The following ZNF813 variants were observed in gnomAD, a reference collection of about 807,000 sequenced individuals.
The protein encoded by ZNF813 is zinc finger protein 813.
A neutral mutation model predicts 7.2 loss-of-function variants in ZNF813; 3 were observed. The ratio of observed to expected loss-of-function variants is 0.42; its 90% confidence interval spans 0.19 to 1.08. The LOEUF (loss-of-function observed/expected upper bound fraction) is 1.08. Ranked by LOEUF, ZNF813 falls within the 50% of genes least tolerant of loss-of-function variation. ZNF813 has a pLI of 0.30. For synonymous variants in ZNF813, 227 were observed against 256.3 expected (o/e 0.89, Z 1.09); for missense variants, 714 against 753.3 (o/e 0.95, Z 0.61).
At chr19:53,482,897 GTATTTT>G (rs1342429223) in intron 1 of ZNF813, among the ~76,000 whole-genome samples, 3 of 149,478 alleles carry the variant, frequency 2.0e-5, no homozygotes, top group African/African-American at 5.0e-5. Flanking sequence ...GCTAATTATT[GTATTTT>G]TATTTTTATT....
At chr19:53,486,559 C>T (rs1290725396) in intron 2 of ZNF813, 73 bp from the exon 3 acceptor site, 19 of 1,611,782 alleles carry the variant, frequency 1.2e-5, no homozygotes, top group Non-Finnish European at 1.6e-5. Flanking sequence ...TTTCCCCTCT[C>T]TCCTCTTCTC....
At chr19:53,487,535 T>C (rs1246218367) in intron 3 of ZNF813, among the ~76,000 whole-genome samples, 2 of 152,114 alleles carry the variant, frequency 1.3e-5, no homozygotes, top group African/African-American at 4.8e-5. Flanking sequence ...CAGTGGCTCA[T>C]GCCTGTAATC....
chr19:53,473,367 C>T (rs1235151178), intron 1 of ZNF813, among the ~76,000 whole-genome samples: 1 of 152,172 alleles, frequency 6.6e-6, no homozygotes, highest in Admixed American at 6.6e-5. Context: ...TTGTCGTCCC[C>T]TCCAGCTTCA....
chr19:53,483,750 G>A lies in ZNF813; in HGVS notation c.-73G>A, dbSNP rs2086420199. On this transcript the variant is annotated splice_region_variant and 5_prime_UTR_variant, in exon 2 of 4. Transcript: ENST00000396403. ...TAAACAACATATTTCTAACATTCAGGATTGACTTCTAAAGACTCTTGGTAT... is the reference window on the plus strand; with the variant it reads ...TAAACAACATATTTCTAACATTCAGAATTGACTTCTAAAGACTCTTGGTAT... 2 of 1,608,742 alleles carry A rather than the reference G, an allele frequency of 1.2e-6. No homozygotes were observed. The highest frequency in any genetic ancestry group is 1.7e-5 in the Admixed American group (1 of 59,962).
At chr19:53,485,452 A>G (rs1037620258) in intron 2 of ZNF813, among the ~76,000 whole-genome samples, 2 of 152,136 alleles carry the variant, frequency 1.3e-5, no homozygotes, top group African/African-American at 4.8e-5. Context: ...ATTTTGAACA[A>G]CTTTTACAGT....
chr19:53,471,191 G>A (rs898375982), intron 1 of ZNF813, among the ~76,000 whole-genome samples: 43 of 152,186 alleles, frequency 2.8e-4, no homozygotes, highest in African/African-American at 8.9e-4. Flanking sequence ...AAGAAACATG[G>A]TCTAATTGTT....
chr19:53,493,460 TG>T lies in ZNF813; in HGVS notation c.*1376del, dbSNP rs2086473208. The T allele has an allele frequency of 1.3e-5, 2 of 151,852 alleles. No individual in the cohort carries two copies. The highest frequency in any genetic ancestry group is 2.5e-5 in the African/African-American group (1 of 40,770). 9.4% of individuals were successfully genotyped at this position (151,852 alleles called of 1,614,324 possible). A position where few individuals can be genotyped will look rare whatever the true frequency, so the allele number is the denominator to read the frequency against. On this transcript the variant is annotated 3_prime_UTR_variant, in exon 4 of 4. Transcript: ENST00000396403. ...CTATTTCTTTAAGTTCTCTAGCAAATGGAAGTGTTTTTAAATTTTCTTTTAA... is the reference window on the plus strand; with the variant it reads ...CTATTTCTTTAAGTTCTCTAGCAAATGAAGTGTTTTTAAATTTTCTTTTAA...
rs1357393939 is a variant in ZNF813, at chr19:53,492,584, CACTT to C, written c.*502_*505del. On this transcript the variant is annotated 3_prime_UTR_variant, in exon 4 of 4. Coordinates refer to ENST00000396403, the MANE Select transcript of ZNF813 (RefSeq NM_001004301.4). ...TGGCAAAGCCTTAATGAGCAGTCAA[CACTT>C]ACTCACCATCAGGCAATCCATGGTG... is the stretch of plus-strand genomic sequence containing the variant. The C allele has an allele frequency of 1.6e-6, 1 of 624,022 alleles. No individual in the cohort carries two copies. The highest frequency in any genetic ancestry group is 1.9e-5 in the African/African-American group (1 of 53,616). The allele number at this position is 624,022 out of a possible 1,614,324, so 38.7% of individuals were successfully genotyped here.
chr19:53,477,721 C>T (rs530224550), intron 1 of ZNF813, among the ~76,000 whole-genome samples: 17 of 152,046 alleles, frequency 1.1e-4, no homozygotes, highest in East Asian at 3.9e-4. Flanking sequence ...CTCTGGAGGC[C>T]GAGGCAGGAG....
At position 53,492,041 on chromosome 19, in the gene ZNF813, A is replaced by G. The variant is rs760664318; in HGVS notation, c.1809A>G (p.Gly603=). ...NLARHHRLHT[G]EKPYKFNECG... ...CACGTCATCATAGACTTCATACTGGAGAGAAACCTTACAAGTTTAATGAGT... is the reference window on the plus strand; with the variant it reads ...CACGTCATCATAGACTTCATACTGGGGAGAAACCTTACAAGTTTAATGAGT... The change falls in exon 4 of 4, where the codon GGA becomes GGG. Residue 603 remains glycine, a synonymous_variant. Coordinates refer to ENST00000396403, the MANE Select transcript of ZNF813 (RefSeq NM_001004301.4). 1.9e-6 allele frequency: 3 copies of G among 1,614,078 alleles called. No individual in the cohort carries two copies. The Admixed American group carries it at 5.0e-5, about 27-fold the overall frequency.
At chr19:53,490,329 A>C (rs1600115184) in intron 3 of ZNF813, 46 bp from the exon 4 acceptor site, 2 of 1,576,818 alleles carry the variant, frequency 1.3e-6, no homozygotes, top group East Asian at 4.5e-5. Context: ...AGTATTATTT[A>C]CCATCTGTAC....
At chr19:53,472,405 C>T (rs2086363758) in intron 1 of ZNF813, among the ~76,000 whole-genome samples, 1 of 152,138 alleles carries the variant, frequency 6.6e-6, no homozygotes, top group Non-Finnish European at 1.5e-5. Context: ...TCTAGGTCTG[C>T]TGCTGGACAA....
Position 53,490,761 on chromosome 19 carries a change from T to A in ZNF813, c.529T>A (p.Ser177Thr). The change falls in exon 4 of 4, where the codon TCC (serine) becomes ACC (threonine). Residue 177 changes from serine to threonine, a missense_variant. Transcript: ENST00000396403. ...CAACGATGCTTCCTCAATTTCAACATCCCAAAGAATTTCTTGTAGGCCCAA... is the reference window on the plus strand; with the variant it reads ...CAACGATGCTTCCTCAATTTCAACAACCCAAAGAATTTCTTGTAGGCCCAA... Reference protein sequence around the residue: ...SINDASSISTSQRISCRPKTH... With the variant: ...SINDASSISTTQRISCRPKTH... The A allele has an allele frequency of 6.2e-7, 1 of 1,614,170 alleles. No homozygotes were observed. Among genetic ancestry groups the A allele is most frequent in the Non-Finnish European group, 8.5e-7 (1 of 1,180,030 alleles).
chr19:53,479,213 G>A, intron 1 of ZNF813: 1 of 800,492 alleles, frequency 1.2e-6, no homozygotes, highest in Non-Finnish European at 2.0e-6. Context: ...GGGATTACAG[G>A]TGTGAGCAAC....
At chr19:53,468,247 G>A (rs2086338134) in intron 1 of ZNF813, among the ~76,000 whole-genome samples, 1 of 58,936 alleles carries the variant, frequency 1.7e-5, no homozygotes, top group Non-Finnish European at 3.3e-5. Context: ...CCCTCCTCCT[G>A]CCGGGCCCTG....
rs1338685501 is a variant in ZNF813, at chr19:53,479,448, A to C, written c.-73-4302A>C. On this transcript the variant is annotated intron_variant, in intron 1 of 3. Transcript: ENST00000396403. ...AGTGAGCTGAGCACCTCCAGTGAGAAGCTGAGAGAGAAAGGTGGGCCCGGG... is the reference window on the plus strand; with the variant it reads ...AGTGAGCTGAGCACCTCCAGTGAGACGCTGAGAGAGAAAGGTGGGCCCGGG... 3.9e-6 allele frequency: 6 copies of C among 1,537,166 alleles called. No homozygotes were observed. The East Asian group carries it at 1.1e-4, about 29-fold the overall frequency.
At chr19:53,480,615 G>T (rs1240536927) in intron 1 of ZNF813, among the ~76,000 whole-genome samples, 1 of 152,132 alleles carries the variant, frequency 6.6e-6, no homozygotes, top group African/African-American at 2.4e-5. Flanking sequence ...ACAGAAGTTT[G>T]ATTATTTCAG....
In ZNF813 at chr19:53,491,398, G is replaced by T; in HGVS notation, c.1166G>T (p.Gly389Val). 6.2e-7 allele frequency: 1 copy of T among 1,613,674 alleles called. No homozygotes were observed. Among genetic ancestry groups the T allele is most frequent in the South Asian group, 1.1e-5 (1 of 91,066 alleles). ...GEKPYKCNEC[G>V]KTFSQELTLK... The stretch of plus-strand genomic sequence containing the variant: ...AAACCTTATAAGTGTAATGAATGTG[G>T]CAAGACCTTCAGTCAGGAGTTAACC... The change falls in exon 4 of 4, where the codon GGC (glycine) becomes GTC (valine). Residue 389 changes from glycine (G) to valine (V), a missense_variant. Gly to Val is a moderately radical substitution (Grantham distance 109). Coordinates refer to ENST00000396403, the MANE Select transcript of ZNF813 (RefSeq NM_001004301.4).
Position 53,483,783 on chromosome 19 carries a change from A to G in ZNF813, c.-40A>G. The G allele has an allele frequency of 1.9e-6, 3 of 1,612,688 alleles. No homozygotes were observed. The highest frequency in any genetic ancestry group is 1.1e-5 in the South Asian group (1 of 91,072). On this transcript the variant is annotated 5_prime_UTR_variant, in exon 2 of 4. Coordinates refer to ENST00000396403, the MANE Select transcript of ZNF813 (RefSeq NM_001004301.4). ...TCTAAAGACTCTTGGTATGTGAGGA[A>G]GAAACCTGGAAGAGGAAGAGGAAAG...
Sources: gnomAD v4.1 joint callset for allele counts (sites outside exome capture counted in the v4.1 genomes callset) on GRCh38, gnomAD v4.1.1 for gene constraint, MANE v1.5 for transcripts, NCBI Gene and HGNC (gene_info 2026-07-23, HGNC 2026-07-21) for gene names.